Variants in LPAR3 observed in about 807,000 individuals in gnomAD.
The protein encoded by LPAR3 is LPA receptor 3.
LPAR3 carries 7 observed loss-of-function variants against 17.8 expected under a neutral mutation model. That is an observed-to-expected ratio of 0.39 (90% CI 0.22 to 0.74). The LOEUF is 0.74. Among genes scored for constraint, LPAR3 ranks in the 30% least tolerant of loss-of-function variants. The probability of loss-of-function intolerance (pLI) is 0.40; values close to 1 mark genes in which losing one functional copy is unlikely to be tolerated. For synonymous variants in LPAR3, 179 were observed against 179.9 expected, an observed-to-expected ratio of 0.99 and a Z score of 0.04; for missense variants, 391 against 453.4, an observed-to-expected ratio of 0.86 and a Z score of 1.25.
intron 1 of LPAR3, among the ~76,000 whole-genome samples, chr1:84,878,622 A>G (rs1305280509): frequency 2.6e-5 from 4 of 152,160 alleles, no homozygotes; most frequent in Non-Finnish European, 5.9e-5. Flanking sequence ...TGCACTCTCA[A>G]ATGAATTTTC....
chr1:84,889,675 GGA>G (rs1346156809), intron 1 of LPAR3, among the ~76,000 whole-genome samples: 1 of 152,158 alleles, frequency 6.6e-6, no homozygotes, highest in African/African-American at 2.4e-5. Flanking sequence ...TCAGAGGACG[GGA>G]GAGAGGAATA....
intron 1 of LPAR3, among the ~76,000 whole-genome samples, chr1:84,881,956 C>T (rs1243387489): frequency 6.6e-5 from 10 of 152,050 alleles, no homozygotes; most frequent in African/African-American, 1.9e-4. Flanking sequence ...CACTGCTATT[C>T]GACATAGTAT....
Position 84,844,654 on chromosome 1 carries a change from T to G in LPAR3, c.736+20731A>C, listed in dbSNP as rs536580230. On this transcript the variant is annotated intron_variant, in intron 2 of 2. Transcript: ENST00000370611. The stretch of plus-strand genomic sequence containing the variant: ...GTATGTAATACAATGTAGCCTTATA[T>G]AGCCACTGAAGAGAATTAGACATAT... Among the ~76,000 whole-genome samples, 14 of 152,310 alleles carry G rather than the reference T, an allele frequency of 9.2e-5. No homozygotes were observed. The South Asian group carries it at 2.3e-3, about 25-fold the overall frequency.
intron 2 of LPAR3, among the ~76,000 whole-genome samples, chr1:84,824,142 T>C (rs1263143309): frequency 6.6e-6 from 1 of 152,162 alleles, no homozygotes; most frequent in Admixed American, 6.5e-5. Flanking sequence ...CACAAGAAAC[T>C]TGACCTACCT....
intron 2 of LPAR3, among the ~76,000 whole-genome samples, chr1:84,860,368 C>T (rs1007297174): frequency 1.2e-4 from 19 of 152,204 alleles, no homozygotes; most frequent in African/African-American, 4.3e-4. Context: ...CACAGGTGAG[C>T]TATTTTTCCA....
intron 1 of LPAR3, among the ~76,000 whole-genome samples, chr1:84,867,633 C>T (rs1023371076): frequency 3.3e-5 from 5 of 151,604 alleles, no homozygotes; most frequent in Non-Finnish European, 5.9e-5. Context: ...AGGTAAATAT[C>T]ATTTTATATG....
Position 84,866,007 on chromosome 1 carries a change from C to A in LPAR3, c.114G>T (p.Thr38=), listed in dbSNP as rs371344898. Residue 38 remains threonine (T), a synonymous_variant, in exon 2 of 3, where the codon ACG becomes ACT. Coordinates refer to ENST00000370611, the MANE Select transcript of LPAR3 (RefSeq NM_012152.3). ...AAAAAAAAATAAACAGGCAGAAAAA[C>A]GTCCCAACACACAAAACAATCACAA... ...TKLVIVLCVG[T]FFCLFIFFSN... is the part of the protein sequence containing the mutation. 7 of 1,614,092 alleles carry A rather than the reference C, an allele frequency of 4.3e-6. No individual in the cohort carries two copies. The highest frequency in any genetic ancestry group is 5.9e-6 in the Non-Finnish European group (7 of 1,180,024).
At chr1:84,879,243 T>C (rs939695691) in intron 1 of LPAR3, among the ~76,000 whole-genome samples, 2 of 152,232 alleles carry the variant, frequency 1.3e-5, no homozygotes, top group African/African-American at 4.8e-5. Context: ...CTTTGTATTA[T>C]TATTTAGCTT....
At chr1:84,826,659 T>C (rs1037288467) in intron 2 of LPAR3, among the ~76,000 whole-genome samples, 1 of 151,902 alleles carries the variant, frequency 6.6e-6, no homozygotes, top group African/African-American at 2.4e-5. Flanking sequence ...ATAGTATGAT[T>C]CCATTCTGAC....
chr1:84,831,213 C>T (rs1346740781), intron 2 of LPAR3, among the ~76,000 whole-genome samples: 2 of 151,878 alleles, frequency 1.3e-5, no homozygotes, highest in East Asian at 3.9e-4. Context: ...AGGAGTAGAA[C>T]TGGTCTGTCT....
chr1:84,845,967 A>G (rs1330268556), intron 2 of LPAR3, among the ~76,000 whole-genome samples: 2 of 152,200 alleles, frequency 1.3e-5, no homozygotes, highest in Non-Finnish European at 2.9e-5. Context: ...CACAGCCACA[A>G]TCCTAAGTCA....
rs1437412554 is a variant in LPAR3, at chr1:84,811,782, T to C, written c.*2064A>G. 1 of 152,210 alleles carries C rather than the reference T, an allele frequency of 6.6e-6. No individual in the cohort carries two copies. Among genetic ancestry groups the C allele is most frequent in the Non-Finnish European group, 1.5e-5 (1 of 68,030 alleles). The allele number at this position is 152,210 out of a possible 1,614,324, so 9.4% of individuals were successfully genotyped here. Reference sequence around the variant, plus strand: ...ATTACAAGTAGTTCTTGCACATAAATGTTATATCACAATAGCAAAAAAATG... The same window carrying C: ...ATTACAAGTAGTTCTTGCACATAAACGTTATATCACAATAGCAAAAAAATG... On this transcript the variant is annotated 3_prime_UTR_variant, in exon 3 of 3. Coordinates refer to ENST00000370611, the MANE Select transcript of LPAR3 (RefSeq NM_012152.3).
chr1:84,860,734 ATTTTTTTTTTTT>A (rs35354113), intron 2 of LPAR3, among the ~76,000 whole-genome samples: 1 of 113,548 alleles, frequency 8.8e-6, no homozygotes, highest in Admixed American at 9.6e-5. Context: ...TTAGGATTTA[ATTTTTTTTTTTT>A]TTTTTTTTTT....
At position 84,851,276 on chromosome 1, in the gene LPAR3, G is replaced by A. The variant is rs527876798; in HGVS notation, c.736+14109C>T. Among the ~76,000 whole-genome samples, 49 of 152,276 alleles carry A rather than the reference G, an allele frequency of 3.2e-4. 1 individual carries two copies. In the South Asian group the frequency reaches 9.5e-3, roughly 30 times the overall value. On this transcript the variant is annotated intron_variant, in intron 2 of 2. Coordinates refer to ENST00000370611, the MANE Select transcript of LPAR3 (RefSeq NM_012152.3). ...TGACAATTCAAAGTGCTTCATAAAT[G>A]TCGATTCTCTTCCACGTTCTCCTTC...
intron 2 of LPAR3, 56 bp downstream of exon 2, chr1:84,865,329 C>T (rs1296442963): frequency 1.9e-5 from 29 of 1,527,360 alleles, no homozygotes; most frequent in Middle Eastern, 1.7e-4. Flanking sequence ...ACAGATGCTC[C>T]GTAAAGATTT....
chr1:84,819,101 C>T (rs1471870867), intron 2 of LPAR3, among the ~76,000 whole-genome samples: 1 of 152,154 alleles, frequency 6.6e-6, no homozygotes, highest in Non-Finnish European at 1.5e-5. Context: ...TTCCCGTCAG[C>T]ATAAGGACCT....
chr1:84,834,687 C>G (rs1659363102), intron 2 of LPAR3, among the ~76,000 whole-genome samples: 10 of 152,154 alleles, frequency 6.6e-5, no homozygotes, highest in Admixed American at 6.5e-4. Flanking sequence ...AAAATGAGAT[C>G]AGGTCATCAG....
rs148683649 is a variant in LPAR3, at chr1:84,850,744, C to T, written c.736+14641G>A. Reference sequence around the variant, plus strand: ...GCTAACTCTGTACCACAGATCCCCCCGGCTCAGGCCAAGATAACCACTGGT... The same window carrying T: ...GCTAACTCTGTACCACAGATCCCCCTGGCTCAGGCCAAGATAACCACTGGT... On this transcript the variant is annotated intron_variant, in intron 2 of 2. Coordinates refer to ENST00000370611, the MANE Select transcript of LPAR3 (RefSeq NM_012152.3). Among the ~76,000 whole-genome samples the T allele has an allele frequency of 4.6e-3, 703 of 152,374 alleles. 6 individuals carry two copies. The highest frequency in any genetic ancestry group is 0.016 in the African/African-American group (672 of 41,588).
intron 2 of LPAR3, among the ~76,000 whole-genome samples, chr1:84,863,012 C>A (rs531908716): frequency 6.6e-6 from 1 of 151,476 alleles, no homozygotes; most frequent in African/African-American, 2.4e-5. Context: ...GAAAATTCTA[C>A]GAAACCACAT....
Sources: gnomAD v4.1 joint callset for allele counts (sites outside exome capture counted in the v4.1 genomes callset) on GRCh38, gnomAD v4.1.1 for gene constraint, MANE v1.5 for transcripts, NCBI Gene and HGNC (gene_info 2026-07-23, HGNC 2026-07-21) for gene names.